TMPRSS11A: variants seen among roughly 807,000 people sequenced by gnomAD.
The protein encoded by TMPRSS11A is transmembrane serine protease 11A.
A neutral mutation model predicts 58.9 loss-of-function variants in TMPRSS11A; 53 were observed. The observed-to-expected ratio is 0.90, with a 90% confidence interval of 0.72 to 1.13. TMPRSS11A has a LOEUF of 1.13. Ranked by LOEUF, TMPRSS11A falls within the 50% of genes most tolerant of loss-of-function variation. TMPRSS11A has a pLI of 0.00. For missense variants in TMPRSS11A, 493 were observed against 499.3 expected (o/e 0.99, Z 0.12); for synonymous variants, 167 against 169.8 (o/e 0.98, Z 0.13).
In TMPRSS11A at chr4:67,914,673, C is replaced by A. The variant is rs1382019026; in HGVS notation, c.1010G>T (p.Cys337Phe). The A allele has an allele frequency of 6.2e-7, 1 of 1,613,342 alleles. No homozygotes were observed. Among genetic ancestry groups the A allele is most frequent in the Non-Finnish European group, 8.5e-7 (1 of 1,179,508 alleles). ...ATTGCCATACACCTGTGGTTGCTTG[C>A]AGACATCATCACTTATGATTTTCAC... ...ARVKIISDDV[C>F]KQPQVYGNDI... Residue 337 changes from cysteine (C) to phenylalanine (F), a missense_variant, in exon 9 of 10, where the codon TGC becomes TTC. Cys to Phe is a radical substitution (Grantham distance 205, BLOSUM62 -2). Coordinates refer to ENST00000508048, the MANE Select transcript of TMPRSS11A (RefSeq NM_001114387.2).
intron 3 of TMPRSS11A, among the ~76,000 whole-genome samples, chr4:67,932,810 T>A (rs1425745547): frequency 6.6e-6 from 1 of 152,076 alleles, no homozygotes; most frequent in Non-Finnish European, 1.5e-5. Flanking sequence ...TTAGGTGGTA[T>A]TCCAGTATTA....
At chr4:67,927,769 T>C (rs558798196) in intron 5 of TMPRSS11A, among the ~76,000 whole-genome samples, 31 of 152,246 alleles carry the variant, frequency 2.0e-4, no homozygotes, top group Non-Finnish European at 4.4e-4. Flanking sequence ...TTCAAGGATC[T>C]ATCTTTCTGC....
Position 67,924,185 on chromosome 4 carries a change from C to A in TMPRSS11A, c.482-19G>T. 1 of 1,609,916 alleles carries A rather than the reference C, an allele frequency of 6.2e-7. No homozygotes were observed. Among genetic ancestry groups the A allele is most frequent in the Non-Finnish European group, 8.5e-7 (1 of 1,176,542 alleles). ...CTCATTGCTGAAAAAGAAGATAAAA[C>A]AAATAGTGATAATTTGATATTTTCC... is the stretch of plus-strand genomic sequence containing the variant. On this transcript the variant is annotated intron_variant, in intron 5 of 9. Transcript: ENST00000508048.
At chr4:67,955,666 C>G (rs1477647684) in intron 1 of TMPRSS11A, among the ~76,000 whole-genome samples, 1 of 152,162 alleles carries the variant, frequency 6.6e-6, no homozygotes, top group African/African-American at 2.4e-5. Flanking sequence ...CATCCATCCA[C>G]TCATCCACGA....
At chr4:67,944,480 T>G (rs1266639192) in intron 3 of TMPRSS11A, 39 bp downstream of exon 3, 1 of 1,581,476 alleles carries the variant, frequency 6.3e-7, no homozygotes, top group Non-Finnish European at 8.6e-7. Flanking sequence ...CCCTTCCACT[T>G]GCATTATTCT....
At position 67,911,473 on chromosome 4, in the gene TMPRSS11A, C is replaced by A. The variant is rs1719978902; in HGVS notation, c.1126G>T (p.Asp376Tyr). ...ATGAGATACCACGTATCTTTCAGAT[C>A]CCTTGTGACTAAAGGTCCCCCAGAA... is the stretch of plus-strand genomic sequence containing the variant. The part of the protein sequence containing the change: ...GDSGGPLVTR[D>Y]LKDTWYLIGI... The change falls in exon 10 of 10, where the codon GAT (aspartate) becomes TAT (tyrosine). Residue 376 changes from aspartate to tyrosine, a missense_variant. Transcript: ENST00000508048. The A allele has an allele frequency of 2.5e-6, 4 of 1,612,914 alleles. No individual in the cohort carries two copies. In the East Asian group the frequency reaches 6.7e-5, roughly 27 times the overall value.
At chr4:67,961,765 G>A (rs569781196) in intron 1 of TMPRSS11A, among the ~76,000 whole-genome samples, 4 of 151,844 alleles carry the variant, frequency 2.6e-5, no homozygotes, top group South Asian at 2.1e-4. Flanking sequence ...TGCCTGCCTC[G>A]GCCTCCGAAA....
intron 2 of TMPRSS11A, among the ~76,000 whole-genome samples, chr4:67,944,900 A>G (rs1720965693): frequency 6.6e-6 from 1 of 152,172 alleles, no homozygotes; most frequent in South Asian, 2.1e-4. Context: ...GATTGGTATC[A>G]CCTTCATTTT....
chr4:67,923,637 G>A (rs1490625955), intron 6 of TMPRSS11A, among the ~76,000 whole-genome samples: 1 of 152,142 alleles, frequency 6.6e-6, no homozygotes, highest in Non-Finnish European at 1.5e-5. Flanking sequence ...CTCCCAAGTA[G>A]CTGGGACTAC....
Position 67,933,931 on chromosome 4 carries a change from G to T in TMPRSS11A, c.253-1871C>A, listed in dbSNP as rs201153449. On this transcript the variant is annotated intron_variant, in intron 3 of 9. Coordinates refer to ENST00000508048, the MANE Select transcript of TMPRSS11A (RefSeq NM_001114387.2). ...TTTGTAACTTTTTGGTGAAGGCATTGGATGAAGTTTTTGACTCTGGATGAC... is the reference window on the plus strand; with the variant it reads ...TTTGTAACTTTTTGGTGAAGGCATTTGATGAAGTTTTTGACTCTGGATGAC... Among the ~76,000 whole-genome samples the T allele has an allele frequency of 3.9e-5, 6 of 152,268 alleles. No individual in the cohort carries two copies. The East Asian group carries it at 1.2e-3, about 29-fold the overall frequency.
chr4:67,930,808 C>CTTTTTTTT (rs67302217), intron 4 of TMPRSS11A, among the ~76,000 whole-genome samples: 2 of 51,160 alleles, frequency 3.9e-5, no homozygotes, highest in Admixed American at 2.9e-4. Context: ...GTTATCTCTC[C>CTTTTTTTT]TTTTTTTTTT....
chr4:67,918,472 C>A (rs898754545), intron 8 of TMPRSS11A, among the ~76,000 whole-genome samples: 20 of 152,128 alleles, frequency 1.3e-4, no homozygotes, highest in African/African-American at 4.6e-4. Flanking sequence ...TTTGAGTTAG[C>A]CACTCAATCT....
intron 1 of TMPRSS11A, among the ~76,000 whole-genome samples, chr4:67,951,599 T>C (rs1464175938): frequency 6.6e-6 from 1 of 152,040 alleles, no homozygotes; most frequent in Non-Finnish European, 1.5e-5. Flanking sequence ...TTTTTTTTTT[T>C]TTGCTTTCTT....
chr4:67,946,376 A>G lies in TMPRSS11A; in HGVS notation c.133+74T>C, dbSNP rs1394211919. 4.2e-6 allele frequency: 6 copies of G among 1,426,064 alleles called. No individual in the cohort carries two copies. In the African/African-American group the frequency reaches 8.8e-5, roughly 21 times the overall value. The allele number at this position is 1,426,064 out of a possible 1,614,324, so 88.3% of individuals were successfully genotyped here. A position where few individuals can be genotyped will look rare whatever the true frequency, so the allele number is the denominator to read the frequency against. On this transcript the variant is annotated intron_variant, in intron 2 of 9. Transcript: ENST00000508048. ...AATGTGCAATTTTTTAGATGAAGTT[A>G]CATTTACATATATGTAAATGGAGCT...
intron 1 of TMPRSS11A, among the ~76,000 whole-genome samples, chr4:67,950,285 G>A (rs1721125986): frequency 6.6e-6 from 1 of 152,170 alleles, no homozygotes; most frequent in Non-Finnish European, 1.5e-5. Context: ...TGAGGTCTCT[G>A]TTCTCTTGCT....
intron 1 of TMPRSS11A, among the ~76,000 whole-genome samples, chr4:67,956,562 C>A (rs1436553459): frequency 6.6e-6 from 1 of 152,144 alleles, no homozygotes; most frequent in African/African-American, 2.4e-5. Flanking sequence ...CATTTTCCCC[C>A]TATAAAATAG....
At chr4:67,924,056 A>G in intron 6 of TMPRSS11A, 72 bp downstream of exon 6, 1 of 1,243,702 alleles carries the variant, frequency 8.0e-7, no homozygotes, top group Non-Finnish European at 1.2e-6. Flanking sequence ...ATGGGCAAGT[A>G]TGAGCAAATA....
chr4:67,922,985 C>T, intron 6 of TMPRSS11A, 59 bp from the exon 7 acceptor site: 2 of 1,559,914 alleles, frequency 1.3e-6, no homozygotes, highest in Non-Finnish European at 1.8e-6. Flanking sequence ...AGGAAATGAC[C>T]CCATTCTTAC....
chr4:67,942,335 G>A (rs1560571029), intron 3 of TMPRSS11A, among the ~76,000 whole-genome samples: 1 of 152,140 alleles, frequency 6.6e-6, no homozygotes, highest in African/African-American at 2.4e-5. Flanking sequence ...GGTCATGAGG[G>A]TGGAGTTCTC....
Sources: allele counts gnomAD v4.1 joint callset (sites outside exome capture counted in the v4.1 genomes callset), GRCh38; gene constraint gnomAD v4.1.1; transcripts MANE v1.5; gene names NCBI Gene and HGNC (gene_info 2026-07-23, HGNC 2026-07-21).